Variants in MTCL1 observed in about 807,000 individuals in gnomAD.
The protein encoded by MTCL1 is microtubule cross-linking factor 1.
A neutral mutation model predicts 141.4 loss-of-function variants in MTCL1; 79 were observed. The observed-to-expected ratio is 0.56, with a 90% CI of 0.47 to 0.67. MTCL1 has a LOEUF of 0.67. Ranked by LOEUF, MTCL1 falls within the 30% of genes least tolerant of loss-of-function variation. The pLI, the probability that MTCL1 is intolerant of heterozygous loss-of-function variation, is 0.00. For missense variants in MTCL1, 2,177 were observed against 2,113.9 expected, an observed-to-expected ratio of 1.03 and a Z score of -0.59; for synonymous variants, 914 against 875.8, an observed-to-expected ratio of 1.04 and a Z score of -0.77.
At chr18:8,794,293 C>T (rs529024851) in intron 8 of MTCL1, among the ~76,000 whole-genome samples, 2 of 152,214 alleles carry the variant, frequency 1.3e-5, no homozygotes, top group South Asian at 2.1e-4. Context: ...AGGAGTATTG[C>T]GGAAGAGGCT....
At chr18:8,712,251 A>G (rs2096097598) in intron 1 of MTCL1, among the ~76,000 whole-genome samples, 1 of 152,236 alleles carries the variant, frequency 6.6e-6, no homozygotes, top group Non-Finnish European at 1.5e-5. Context: ...GGGCAGAGAA[A>G]ATTGGCTTCT....
exon 6 of MTCL1, chr18:8,783,703 C>T (rs147963142): frequency 5.5e-5 from 89 of 1,607,532 alleles, no homozygotes; most frequent in Non-Finnish European, 7.1e-5. Context: ...GGGAAGCAGG[C>T]GGGCCCCCCA....
chr18:8,730,560 C>T (rs563275773), intron 4 of MTCL1, among the ~76,000 whole-genome samples: 2 of 152,284 alleles, frequency 1.3e-5, no homozygotes, highest in South Asian at 2.1e-4. Flanking sequence ...TAGTGATAAG[C>T]GAAGCCGCTT....
chr18:8,764,766 C>T (rs936446075), intron 4 of MTCL1, among the ~76,000 whole-genome samples: 1 of 152,208 alleles, frequency 6.6e-6, no homozygotes, highest in Non-Finnish European at 1.5e-5. Flanking sequence ...TGCTGGACAA[C>T]TGAGACTTTG....
intron 16 of MTCL1, chr18:8,831,253 A>G (rs1332985900): frequency 2.8e-6 from 3 of 1,079,968 alleles, no homozygotes; most frequent in African/African-American, 1.6e-5. Flanking sequence ...GAACAGATCT[A>G]CCAGATAGGA....
intron 1 of MTCL1, among the ~76,000 whole-genome samples, chr18:8,707,823 A>G (rs973307000): frequency 6.6e-6 from 1 of 152,194 alleles, no homozygotes; most frequent in Admixed American, 6.5e-5. Flanking sequence ...TTTAAGGTGC[A>G]TGGTGGTGAA....
chr18:8,756,997 C>T (rs2096405315), intron 4 of MTCL1, among the ~76,000 whole-genome samples: 1 of 152,202 alleles, frequency 6.6e-6, no homozygotes, highest in South Asian at 2.1e-4. Context: ...AGCATTAGCA[C>T]CGTGGAACTG....
At chr18:8,802,879 G>A (rs773463267) in intron 10 of MTCL1, among the ~76,000 whole-genome samples, 2 of 152,104 alleles carry the variant, frequency 1.3e-5, no homozygotes, top group Admixed American at 6.5e-5. Flanking sequence ...AAGGTTGCAC[G>A]GCTAGACCCC....
chr18:8,741,585 A>G (rs1443365459), intron 4 of MTCL1, among the ~76,000 whole-genome samples: 1 of 152,210 alleles, frequency 6.6e-6, no homozygotes, highest in Non-Finnish European at 1.5e-5. Context: ...CTAAATGGAA[A>G]ACTGTGACTG....
intron 12 of MTCL1, among the ~76,000 whole-genome samples, chr18:8,818,716 G>A (rs1345613821): frequency 1.3e-5 from 2 of 152,226 alleles, no homozygotes; most frequent in Non-Finnish European, 2.9e-5. Flanking sequence ...GTGTCAGAAA[G>A]AGTTCACCAT....
chr18:8,723,790 T>C (rs2096189365), intron 4 of MTCL1, among the ~76,000 whole-genome samples: 1 of 152,224 alleles, frequency 6.6e-6, no homozygotes, highest in South Asian at 2.1e-4. Context: ...TTCAGCCACT[T>C]GCTCAGTGCT....
chr18:8,746,302 G>A (rs2096337567), intron 4 of MTCL1, among the ~76,000 whole-genome samples: 1 of 152,180 alleles, frequency 6.6e-6, no homozygotes, highest in Non-Finnish European at 1.5e-5. Context: ...ATTTTTTAAG[G>A]AACCGCCCCA....
At chr18:8,707,322 A>G (rs1469077405) in intron 1 of MTCL1, 1 of 152,346 alleles carries the variant, frequency 6.6e-6, no homozygotes, top group Non-Finnish European at 1.5e-5. Context: ...TTGAGGAGCA[A>G]CGGTGTTGCG....
intron 4 of MTCL1, among the ~76,000 whole-genome samples, chr18:8,737,091 TTCCTATGAGCTGCAC>T (rs780375636): frequency 5.3e-5 from 8 of 152,206 alleles, no homozygotes; most frequent in Non-Finnish European, 8.8e-5. Context: ...TTTTGCAGTG[TTCCTATGAGCTGCAC>T]TGGATATTGC....
chr18:8,726,040 C>T (rs867780177), intron 4 of MTCL1, among the ~76,000 whole-genome samples: 1 of 151,886 alleles, frequency 6.6e-6, no homozygotes, highest in Admixed American at 6.6e-5. Context: ...ATCTGCCCGC[C>T]TCGGCCTCCC....
At chr18:8,801,451 T>C (rs11873730) in intron 10 of MTCL1, among the ~76,000 whole-genome samples, 1 of 152,134 alleles carries the variant, frequency 6.6e-6, no homozygotes, top group Admixed American at 6.5e-5. Flanking sequence ...CTACTCTTTC[T>C]GTAAGAGGAA....
chr18:8,756,435 GTA>G lies in MTCL1; in HGVS notation c.358-21392_358-21391del, dbSNP rs1261954797. ...TATATGTGTATATATGTGTATATAT[GTA>G]TATATGTGTATATATGTGTATATAT... On this transcript the variant is annotated intron_variant, in intron 4 of 16. Transcript: ENST00000359865. Among the ~76,000 whole-genome samples the G allele has an allele frequency of 8.8e-5, 12 of 135,864 alleles. No homozygotes were observed. The South Asian group carries it at 8.8e-4, about 10-fold the overall frequency. 89.1% of individuals were successfully genotyped at this position (135,864 alleles called of 152,430 possible). A position where few individuals can be genotyped will look rare whatever the true frequency, so the allele number is the denominator to read the frequency against.
exon 15 of MTCL1, chr18:8,826,010 G>C: frequency 1.2e-6 from 2 of 1,608,616 alleles, no homozygotes; most frequent in Non-Finnish European, 1.7e-6. Context: ...TTGGGGTGGG[G>C]TCAGAGATGT....
intron 4 of MTCL1, among the ~76,000 whole-genome samples, chr18:8,754,672 A>T (rs2096388369): frequency 1.3e-5 from 2 of 152,212 alleles, no homozygotes; most frequent in South Asian, 4.1e-4. Context: ...AGCCATAGCC[A>T]CCCAGGTTCC....
Sources: allele counts gnomAD v4.1 joint callset (sites outside exome capture counted in the v4.1 genomes callset), GRCh38; gene constraint gnomAD v4.1.1; transcripts MANE v1.5; gene names NCBI Gene and HGNC (gene_info 2026-07-23, HGNC 2026-07-21).